The following NOL4L variants were observed in gnomAD, a reference collection of about 807,000 sequenced individuals.
The protein encoded by NOL4L is nucleolar protein 4-like.
In NOL4L, 7 loss-of-function variants were observed where a neutral mutation model predicts 64.5. That is an observed-to-expected ratio of 0.11 (90% CI 0.06 to 0.20). The LOEUF (loss-of-function observed/expected upper bound fraction) is 0.20, where lower values mean the gene tolerates loss of function less well. Ranked by LOEUF, NOL4L falls within the 10% of genes least tolerant of loss-of-function variation. NOL4L has a pLI of 1.00. For synonymous variants in NOL4L, 413 were observed against 401.0 expected, an observed-to-expected ratio of 1.03 and a Z score of -0.36; for missense variants, 680 against 967.1, an observed-to-expected ratio of 0.70 and a Z score of 3.94.
At chr20:32,575,003 G>A (rs1339922778) in intron 1 of NOL4L, among the ~76,000 whole-genome samples, 3 of 152,014 alleles carry the variant, frequency 2.0e-5, no homozygotes, top group Non-Finnish European at 4.4e-5. Context: ...CCACTCAACC[G>A]CTGGTCCGTC....
At chr20:32,468,900 CAAAA>C (rs555969764) in intron 5 of NOL4L, among the ~76,000 whole-genome samples, 3 of 95,300 alleles carry the variant, frequency 3.1e-5, no homozygotes, top group Middle Eastern at 6.8e-3. Context: ...GACTCCATCT[CAAAA>C]AAAAAAAAAA....
intron 4 of NOL4L, among the ~76,000 whole-genome samples, chr20:32,479,115 T>C (rs538245796): frequency 6.6e-6 from 1 of 152,268 alleles, no homozygotes; most frequent in African/African-American, 2.4e-5. Context: ...AGACTGTAGC[T>C]CCAGTCCCTC....
At chr20:32,492,437 A>C (rs2016504493) in intron 4 of NOL4L, among the ~76,000 whole-genome samples, 1 of 152,264 alleles carries the variant, frequency 6.6e-6, no homozygotes, top group South Asian at 2.1e-4. Flanking sequence ...TAGAGGGAGC[A>C]CAAAGGGTCT....
intron 4 of NOL4L, among the ~76,000 whole-genome samples, chr20:32,498,261 A>G (rs1160227452): frequency 6.6e-6 from 1 of 152,176 alleles, no homozygotes; most frequent in East Asian, 1.9e-4. Context: ...TTGCCCTCAC[A>G]AAACAGAGGA....
intron 4 of NOL4L, among the ~76,000 whole-genome samples, chr20:32,488,816 T>C (rs1238008514): frequency 0.037 from 716 of 19,472 alleles, 30 homozygotes; most frequent in East Asian, 0.073. Flanking sequence ...TTTCTTTCTT[T>C]CTTTCTTTCT....
At chr20:32,485,308 C>CAAAAAG (rs2016043104) in intron 4 of NOL4L, among the ~76,000 whole-genome samples, 1 of 151,994 alleles carries the variant, frequency 6.6e-6, no homozygotes, top group Admixed American at 6.5e-5. Flanking sequence ...TTTCTTTCTT[C>CAAAAAG]CTCTGAAAGC....
rs762405985 is a variant in NOL4L, at chr20:32,447,668, G to C, written c.1971C>G (p.Gly657=). 6.2e-7 allele frequency: 1 copy of C among 1,612,282 alleles called. No individual in the cohort carries two copies. The highest frequency in any genetic ancestry group is 8.5e-7 in the Non-Finnish European group (1 of 1,179,952). The change falls in exon 11 of 11, where the codon GGC becomes GGG. Residue 657 remains glycine (G), a synonymous_variant. Transcript: ENST00000621426. ...GCAGGAAGGCAGCAGACTCCCGGTA[G>C]CCCGCGATGAGCTGCCGCACGGCGC... ...EISAVRQLIA[G]YRESAAFLLR...
intron 4 of NOL4L, among the ~76,000 whole-genome samples, chr20:32,488,490 C>T (rs951389170): frequency 2.0e-5 from 3 of 152,160 alleles, no homozygotes; most frequent in East Asian, 1.9e-4. Context: ...ATTGCACAAT[C>T]GGGGTCACAT....
chr20:32,513,585 G>A (rs557515801), intron 3 of NOL4L, among the ~76,000 whole-genome samples: 7 of 152,250 alleles, frequency 4.6e-5, no homozygotes, highest in South Asian at 2.1e-4. Flanking sequence ...CGATTAAGCC[G>A]GGCACGGTGG....
In NOL4L at chr20:32,453,984, G is replaced by A. The variant is rs1349229434; in HGVS notation, c.1120-223C>T. On this transcript the variant is annotated intron_variant, in intron 6 of 10. Transcript: ENST00000621426. The surrounding 1 kb of genome is among the most constrained non-coding windows in gnomAD (Gnocchi z 5.6). The stretch of plus-strand genomic sequence containing the variant: ...ACCTCCCTCCCTGGGCTGCCGCAGG[G>A]AGGACCGACTGCAATAGTGTATGCA... 1.7e-6 allele frequency: 1 copy of A among 576,018 alleles called. No individual in the cohort carries two copies. The highest frequency in any genetic ancestry group is 3.1e-6 in the Non-Finnish European group (1 of 321,274). The allele number at this position is 576,018 out of a possible 1,614,324, so 35.7% of individuals were successfully genotyped here. A position where few individuals can be genotyped will look rare whatever the true frequency, so the allele number is the denominator to read the frequency against.
At chr20:32,562,764 C>T (rs1355601666) in intron 1 of NOL4L, among the ~76,000 whole-genome samples, 3 of 151,614 alleles carry the variant, frequency 2.0e-5, no homozygotes, top group Non-Finnish European at 2.9e-5. Context: ...TCAGCATCCA[C>T]AGCCCTCGGC....
chr20:32,449,249 C>T (rs2012625603), intron 10 of NOL4L, among the ~76,000 whole-genome samples: 1 of 152,206 alleles, frequency 6.6e-6, no homozygotes, highest in African/African-American at 2.4e-5. Flanking sequence ...GTCCCTTCCC[C>T]ACAGCTTTAT....
At position 32,470,308 on chromosome 20, in the gene NOL4L, T is replaced by G. The variant is rs4911233; in HGVS notation, c.841+4293A>C. Among the ~76,000 whole-genome samples the G allele has an allele frequency of 5.1e-3, 774 of 152,306 alleles. 8 individuals are homozygous for G. Among genetic ancestry groups the G allele is most frequent in the Admixed American group, 0.023 (359 of 15,304 alleles). ...GGAAGGAGTGGCCCCGCCTGCCGGG[T>G]CAGGAACCTGGGCCAGCCCCGGCCT... On this transcript the variant is annotated intron_variant, in intron 5 of 10. Coordinates refer to ENST00000621426, the MANE Select transcript of NOL4L (RefSeq NM_001256798.2).
chr20:32,464,340 C>T lies in NOL4L; in HGVS notation c.842-7945G>A, dbSNP rs972237345. 2.6e-5 allele frequency among the ~76,000 whole-genome samples: 4 copies of T among 152,202 alleles called. No homozygotes were observed. The highest frequency in any genetic ancestry group is 5.9e-5 in the Non-Finnish European group (4 of 68,022). On this transcript the variant is annotated intron_variant, in intron 5 of 10. Coordinates refer to ENST00000621426, the MANE Select transcript of NOL4L (RefSeq NM_001256798.2). This position sits in a 1 kb window ranked among gnomAD's most constrained non-coding sequence, Gnocchi z 5.6. ...GGGTGCAGGGGTCAAATGGGGGACA[C>T]TAGGACCCTACCATCCGGGTGATGG...
At chr20:32,472,215 C>T (rs1012254760) in intron 5 of NOL4L, among the ~76,000 whole-genome samples, 13 of 152,190 alleles carry the variant, frequency 8.5e-5, no homozygotes, top group Admixed American at 6.5e-5. Flanking sequence ...TTCGTTTGTT[C>T]ATTCGGGGAT....
At chr20:32,485,750 C>G in intron 4 of NOL4L, 1 of 470,996 alleles carries the variant, frequency 2.1e-6, no homozygotes, top group South Asian at 1.6e-5. Context: ...AACGCGGGAA[C>G]TGTCCATCCT....
At chr20:32,492,815 TG>T (rs1226028991) in intron 4 of NOL4L, among the ~76,000 whole-genome samples, 1 of 151,938 alleles carries the variant, frequency 6.6e-6, no homozygotes, top group Non-Finnish European at 1.5e-5. Context: ...CACCCAAGAG[TG>T]GAGAAACTGG....
intron 1 of NOL4L, among the ~76,000 whole-genome samples, chr20:32,582,962 C>T (rs191214322): frequency 1.3e-4 from 19 of 151,636 alleles, no homozygotes; most frequent in Non-Finnish European, 2.7e-4. Flanking sequence ...GGACAATGAC[C>T]CAGACTCGCC....
In NOL4L at chr20:32,504,140, G is replaced by A. The variant is rs189655668; in HGVS notation, c.699+7207C>T. Among the ~76,000 whole-genome samples, 340 of 151,380 alleles carry A rather than the reference G, an allele frequency of 2.2e-3. 2 individuals carry two copies. Among genetic ancestry groups the A allele is most frequent in the Non-Finnish European group, 2.3e-3 (159 of 67,796 alleles). On this transcript the variant is annotated intron_variant, in intron 4 of 10. Coordinates refer to ENST00000621426, the MANE Select transcript of NOL4L (RefSeq NM_001256798.2). ...TAAATCTCTTTTTTGTGGTTTCTTC[G>A]TTTAGTCCCCATGTAATCACTCTTG...
Sources: gnomAD v4.1 joint callset for allele counts (sites outside exome capture counted in the v4.1 genomes callset) on GRCh38, gnomAD v4.1.1 for gene constraint, Gnocchi (gnomAD v3.1) non-coding constraint, MANE v1.5 for transcripts, NCBI Gene and HGNC (gene_info 2026-07-23, HGNC 2026-07-21) for gene names.